PCDH11Y: variants seen among roughly 807,000 people sequenced by gnomAD.
PCDH11Y encodes the protein protocadherin-11 Y-linked.
For synonymous variants in PCDH11Y, 9 were observed against 83.6 expected (o/e 0.11, Z 4.87); for missense variants, 12 against 224.8 (o/e 0.05, Z 6.05).
At chrY:5,001,036 G>C in intron 1 of PCDH11Y, among the ~76,000 whole-genome samples, 1 of 33,628 alleles carries the variant, frequency 3.0e-5, no homozygotes, top group Non-Finnish European at 7.4e-5. Context: ...CCGGCTGAGA[G>C]ATTGGAGCTG....
intron 3 of PCDH11Y, among the ~76,000 whole-genome samples, chrY:5,559,604 C>T (rs1602943195): frequency 3.1e-5 from 1 of 32,500 alleles, no homozygotes; most frequent in Non-Finnish European, 7.5e-5. Context: ...GCAGGCCTTT[C>T]CTGTGCTGTT....
intron 3 of PCDH11Y, among the ~76,000 whole-genome samples, chrY:5,571,972 G>C (rs2053439642): frequency 3.2e-4 from 10 of 31,407 alleles, no homozygotes; most frequent in Non-Finnish European, 5.4e-4. Context: ...CTCTATGTTT[G>C]TACACATTAA....
intron 2 of PCDH11Y, among the ~76,000 whole-genome samples, chrY:5,346,224 C>CTTTA (rs2053152370): frequency 1.8e-4 from 6 of 32,787 alleles, no homozygotes; most frequent in Admixed American, 8.5e-4. Flanking sequence ...ATTGATTTTA[C>CTTTA]TTTATTTATT....
chrY:5,474,947 C>A (rs2053317201), intron 2 of PCDH11Y, among the ~76,000 whole-genome samples: 73 of 32,561 alleles, frequency 2.2e-3, no homozygotes, highest in Non-Finnish European at 6.9e-4. Context: ...GAAATGTTTT[C>A]CTAATTTTAT....
At chrY:5,631,760 G>A (rs1602954323) in intron 4 of PCDH11Y, among the ~76,000 whole-genome samples, 1 of 33,663 alleles carries the variant, frequency 3.0e-5, no homozygotes, top group East Asian at 7.7e-4. Flanking sequence ...AAAGAAAAAT[G>A]TCTAATTAAA....
intron 3 of PCDH11Y, among the ~76,000 whole-genome samples, chrY:5,511,868 TTTAA>T (rs2053365722): frequency 3.0e-5 from 1 of 33,467 alleles, no homozygotes; most frequent in Non-Finnish European, 7.4e-5. Flanking sequence ...TGCAGATATG[TTTAA>T]TTCTCTTATA....
chrY:5,475,424 A>T lies in PCDH11Y; in HGVS notation c.3130-25633A>T, dbSNP rs2053317805. Among the ~76,000 whole-genome samples, 4 of 32,686 alleles carry T rather than the reference A, an allele frequency of 1.2e-4. No individual in the cohort carries two copies. In the East Asian group the frequency reaches 3.2e-3, roughly 26 times the overall value. 87.7% of individuals were successfully genotyped at this position (32,686 alleles called of 37,273 possible). On this transcript the variant is annotated intron_variant, in intron 2 of 4. Coordinates refer to the PCDH11Y transcript ENST00000400457. Reference sequence around the variant, plus strand: ...ATCAAATGTTTTTCTTCATCCATTGATATGATGAGGTATGTTTTTCCCTTC... The same window carrying T: ...ATCAAATGTTTTTCTTCATCCATTGTTATGATGAGGTATGTTTTTCCCTTC...
intron 2 of PCDH11Y, among the ~76,000 whole-genome samples, chrY:5,145,613 G>C: frequency 6.0e-5 from 2 of 33,137 alleles, no homozygotes; most frequent in African/African-American, 2.3e-4. Context: ...TATTGCTAAT[G>C]TTGGCAATAT....
chrY:5,300,243 T>C, intron 2 of PCDH11Y, among the ~76,000 whole-genome samples: 2 of 33,403 alleles, frequency 6.0e-5, no homozygotes, highest in African/African-American at 2.3e-4. Context: ...TTTCTTGGAC[T>C]TAAATAAAGT....
chrY:5,533,657 T>C, intron 3 of PCDH11Y, among the ~76,000 whole-genome samples: 1 of 33,342 alleles, frequency 3.0e-5, no homozygotes, highest in Non-Finnish European at 7.4e-5. Context: ...TCCCTTCATC[T>C]ACGAATGCCT....
At chrY:5,289,209 T>G in intron 2 of PCDH11Y, among the ~76,000 whole-genome samples, 1 of 33,658 alleles carries the variant, frequency 3.0e-5, no homozygotes, top group African/African-American at 1.2e-4. Flanking sequence ...CATGACATGA[T>G]AGGTAAGTTT....
At chrY:5,576,762 C>T (rs2124696989) in intron 3 of PCDH11Y, among the ~76,000 whole-genome samples, 1 of 33,183 alleles carries the variant, frequency 3.0e-5, no homozygotes, top group East Asian at 7.8e-4. Flanking sequence ...TTATTCTGCC[C>T]TTGTCAGTTG....
At chrY:5,248,359 C>T (rs2052999688) in intron 2 of PCDH11Y, among the ~76,000 whole-genome samples, 1 of 29,489 alleles carries the variant, frequency 3.4e-5, no homozygotes, top group Non-Finnish European at 8.0e-5. Context: ...CCTAGCAGGA[C>T]ATCAAAAAGT....
downstream of PCDH11Y, among the ~76,000 whole-genome samples, chrY:5,105,646 AG>A (rs2052791073): frequency 3.2e-5 from 1 of 31,451 alleles, no homozygotes; most frequent in Non-Finnish European, 7.7e-5. Context: ...AAAAAAAAAA[AG>A]AAAGAAAGAA....
intron 3 of PCDH11Y, among the ~76,000 whole-genome samples, chrY:5,046,415 A>C: frequency 3.0e-5 from 1 of 33,451 alleles, no homozygotes; most frequent in Admixed American, 2.7e-4. Flanking sequence ...CCTCCCAGTT[A>C]GGCTGCTCGG....
At chrY:5,206,793 TC>T (rs2052932821) in intron 2 of PCDH11Y, among the ~76,000 whole-genome samples, 1 of 29,510 alleles carries the variant, frequency 3.4e-5, no homozygotes, top group African/African-American at 1.4e-4. Flanking sequence ...TCTAAAAGAG[TC>T]CCATTCAGGT....
chrY:5,534,015 C>T, intron 3 of PCDH11Y, among the ~76,000 whole-genome samples: 2 of 32,571 alleles, frequency 6.1e-5, no homozygotes, highest in Non-Finnish European at 1.5e-4. Flanking sequence ...GTCCTAATTT[C>T]TTCACATTTT....
chrY:5,520,324 T>C (rs2053379329), intron 3 of PCDH11Y, among the ~76,000 whole-genome samples: 1 of 26,560 alleles, frequency 3.8e-5, no homozygotes, highest in Non-Finnish European at 8.7e-5. Flanking sequence ...AATTCTGAAT[T>C]TGGTGTTTAT....
intron 2 of PCDH11Y, among the ~76,000 whole-genome samples, chrY:5,306,730 T>C: frequency 3.1e-5 from 1 of 32,345 alleles, no homozygotes; most frequent in Non-Finnish European, 7.6e-5. Context: ...CTTATGCACT[T>C]AAGGAGTTGG....
Sources: gnomAD v4.1 joint callset for allele counts (sites outside exome capture counted in the v4.1 genomes callset) on GRCh38, gnomAD v4.1.1 for gene constraint, MANE v1.5 for transcripts, NCBI Gene and HGNC (gene_info 2026-07-23, HGNC 2026-07-21) for gene names.